The following SPAG16 variants were observed in gnomAD, a reference collection of about 807,000 sequenced individuals.
SPAG16 encodes sperm associated antigen 16.
SPAG16 carries 86 observed loss-of-function variants against 80.4 expected under a neutral mutation model. The ratio of observed to expected loss-of-function variants is 1.07; its 90% CI spans 0.90 to 1.28. The LOEUF (loss-of-function observed/expected upper bound fraction) is 1.28. Ranked by LOEUF, SPAG16 falls within the 50% of genes most tolerant of loss-of-function variation. The pLI, the probability that SPAG16 is intolerant of heterozygous loss-of-function variation, is 0.00. For missense variants in SPAG16, 870 were observed against 765.3 expected (o/e 1.14, Z -1.61); for synonymous variants, 294 against 265.9 (o/e 1.11, Z -1.03).
chr2:213,460,869 T>C (rs187985755), intron 9 of SPAG16, among the ~76,000 whole-genome samples: 14 of 152,308 alleles, frequency 9.2e-5, no homozygotes, highest in East Asian at 5.8e-4. Context: ...GCAAGTCTCT[T>C]ATAGTACATA....
At chr2:213,415,330 A>G (rs554220178) in intron 9 of SPAG16, among the ~76,000 whole-genome samples, 1 of 152,348 alleles carries the variant, frequency 6.6e-6, no homozygotes, top group African/African-American at 2.4e-5. Flanking sequence ...AGCCATGCTT[A>G]GGAATTTAGG....
At chr2:214,405,258 G>T (rs1441946127) in intron 15 of SPAG16, among the ~76,000 whole-genome samples, 1 of 152,012 alleles carries the variant, frequency 6.6e-6, no homozygotes, top group Non-Finnish European at 1.5e-5. Flanking sequence ...CAGTAGCTAG[G>T]ACTACAGATG....
At chr2:214,233,059 A>C (rs1334849270) in intron 15 of SPAG16, among the ~76,000 whole-genome samples, 1 of 152,110 alleles carries the variant, frequency 6.6e-6, no homozygotes, top group African/African-American at 2.4e-5. Context: ...AAAGAGTTCA[A>C]AATCAGGCAA....
intron 10 of SPAG16, among the ~76,000 whole-genome samples, chr2:213,606,690 T>C (rs898857696): frequency 1.3e-5 from 2 of 152,078 alleles, no homozygotes; most frequent in African/African-American, 2.4e-5. Flanking sequence ...AGCCTGGATT[T>C]TATTATCTAC....
At chr2:214,295,574 T>G (rs2125939128) in intron 15 of SPAG16, among the ~76,000 whole-genome samples, 1 of 152,196 alleles carries the variant, frequency 6.6e-6, no homozygotes, top group East Asian at 1.9e-4. Context: ...GTGGATTGCT[T>G]TAGCCAAGGA....
chr2:214,296,924 C>T (rs1468049284), intron 15 of SPAG16, among the ~76,000 whole-genome samples: 1 of 152,158 alleles, frequency 6.6e-6, no homozygotes, highest in East Asian at 1.9e-4. Flanking sequence ...GGCACCTCCC[C>T]ATTCTCTCTC....
At chr2:214,102,945 C>A (rs2053157151) in intron 13 of SPAG16, among the ~76,000 whole-genome samples, 1 of 152,154 alleles carries the variant, frequency 6.6e-6, no homozygotes, top group Admixed American at 6.5e-5. Context: ...GTTGCTAGGA[C>A]TTCATGGGCT....
intron 12 of SPAG16, among the ~76,000 whole-genome samples, chr2:213,970,394 C>A (rs2044970784): frequency 6.6e-6 from 1 of 152,024 alleles, no homozygotes; most frequent in African/African-American, 2.4e-5. Flanking sequence ...GTCTGCCTCC[C>A]AAACTCAAGT....
chr2:214,316,255 C>G (rs2125986434), intron 15 of SPAG16, among the ~76,000 whole-genome samples: 1 of 152,040 alleles, frequency 6.6e-6, no homozygotes, highest in South Asian at 2.1e-4. Flanking sequence ...GAAAACACTA[C>G]TAGAAATGCA....
rs185565395 is a variant in SPAG16 at position 213,816,448 on chromosome 2, A to G, written c.1071-46037A>G. 9.3e-4 allele frequency among the ~76,000 whole-genome samples: 141 copies of G among 152,282 alleles called. No homozygotes were observed. In the East Asian group the frequency reaches 9.8e-3, roughly 11 times the overall value. ...GCGTGCTTCTAAGAATGTAATAGCTAGATCGTAGGACATGCACATATATTT... is the reference window on the plus strand; with the variant it reads ...GCGTGCTTCTAAGAATGTAATAGCTGGATCGTAGGACATGCACATATATTT... On this transcript the variant is annotated intron_variant, in intron 10 of 15. Coordinates refer to ENST00000331683, the MANE Select transcript of SPAG16 (RefSeq NM_024532.5).
At chr2:214,137,794 T>G (rs2055141124) in intron 14 of SPAG16, among the ~76,000 whole-genome samples, 1 of 86,738 alleles carries the variant, frequency 1.2e-5, no homozygotes, top group Admixed American at 1.5e-4. Flanking sequence ...CTATAAATAT[T>G]GAGCATATGT....
intron 10 of SPAG16, among the ~76,000 whole-genome samples, chr2:213,717,318 C>T (rs1295868522): frequency 6.6e-6 from 1 of 152,010 alleles, no homozygotes; most frequent in Non-Finnish European, 1.5e-5. Context: ...GCCACCAAGC[C>T]TGGCTAATTT....
intron 15 of SPAG16, among the ~76,000 whole-genome samples, chr2:214,283,235 A>C (rs1693095572): frequency 6.6e-6 from 1 of 152,124 alleles, no homozygotes; most frequent in Non-Finnish European, 1.5e-5. Context: ...TTGTTGAATT[A>C]TCATCATAAT....
intron 10 of SPAG16, among the ~76,000 whole-genome samples, chr2:213,814,810 A>G (rs1575214511): frequency 6.6e-6 from 1 of 151,806 alleles, no homozygotes; most frequent in Non-Finnish European, 1.5e-5. Context: ...AATAATAATA[A>G]TAAAGAGGGA....
chr2:213,862,180 A>G (rs975142377), intron 10 of SPAG16, among the ~76,000 whole-genome samples: 9 of 152,338 alleles, frequency 5.9e-5, no homozygotes, highest in Admixed American at 5.2e-4. Context: ...TCCCTTAAAG[A>G]AAAACCATAA....
In SPAG16 at chr2:213,772,479, T is replaced by C. The variant is rs567567275; in HGVS notation, c.1071-90006T>C. Among the ~76,000 whole-genome samples the C allele has an allele frequency of 3.9e-5, 6 of 152,308 alleles. No individual in the cohort carries two copies. In the South Asian group the frequency reaches 1.2e-3, roughly 32 times the overall value. Reference sequence around the variant, plus strand: ...GGTCAAAACTATTTTTCCTGTGTTTTTGCCTAGAAGTTTTTTAATTTTAGC... The same window carrying C: ...GGTCAAAACTATTTTTCCTGTGTTTCTGCCTAGAAGTTTTTTAATTTTAGC... On this transcript the variant is annotated intron_variant, in intron 10 of 15. Transcript: ENST00000331683.
At chr2:213,864,527 C>T (rs989002025) in intron 11 of SPAG16, among the ~76,000 whole-genome samples, 2 of 152,054 alleles carry the variant, frequency 1.3e-5, no homozygotes, top group Admixed American at 1.3e-4. Flanking sequence ...TGGGAGAGGC[C>T]TAGGGTGGAC....
chr2:214,109,217 G>T (rs867461852), intron 14 of SPAG16, among the ~76,000 whole-genome samples: 1 of 152,104 alleles, frequency 6.6e-6, no homozygotes, highest in African/African-American at 2.4e-5. Context: ...TCCAGTTTGT[G>T]GTTTTCTGTA....
At chr2:214,143,225 T>C (rs1013565449) in intron 14 of SPAG16, among the ~76,000 whole-genome samples, 1 of 144,442 alleles carries the variant, frequency 6.9e-6, no homozygotes, top group Non-Finnish European at 1.5e-5. Flanking sequence ...TATTCCATCA[T>C]AGTTTTGGGT....
Sources: gnomAD v4.1 joint callset for allele counts (sites outside exome capture counted in the v4.1 genomes callset) on GRCh38, gnomAD v4.1.1 for gene constraint, MANE v1.5 for transcripts, NCBI Gene and HGNC (gene_info 2026-07-23, HGNC 2026-07-21) for gene names.